The following C1orf94 variants were observed in gnomAD, a reference collection of about 807,000 sequenced individuals.
C1orf94 encodes the protein uncharacterized protein C1orf94.
C1orf94 carries 45 observed loss-of-function variants against 53.6 expected under a neutral mutation model. That is an observed-to-expected ratio of 0.84 (90% CI 0.66 to 1.08). The LOEUF (loss-of-function observed/expected upper bound fraction) is 1.08. C1orf94 is among the 50% of genes least tolerant of loss of function. The pLI is 0.00. For synonymous variants in C1orf94, 304 were observed against 296.1 expected (o/e 1.03, Z -0.27); for missense variants, 762 against 738.9 (o/e 1.03, Z -0.36).
At chr1:34,196,105 G>A (rs1435323543) in intron 1 of C1orf94, among the ~76,000 whole-genome samples, 1 of 152,196 alleles carries the variant, frequency 6.6e-6, no homozygotes, top group Non-Finnish European at 1.5e-5. Flanking sequence ...GGAGCCCCTT[G>A]AGTAGGCACA....
At chr1:34,168,619 T>C (rs1178636466) in intron 1 of C1orf94, among the ~76,000 whole-genome samples, 4 of 152,226 alleles carry the variant, frequency 2.6e-5, no homozygotes, top group African/African-American at 9.6e-5. Flanking sequence ...TTCTGGAGGC[T>C]GGAAGTCCAA....
intron 1 of C1orf94, among the ~76,000 whole-genome samples, chr1:34,185,193 T>A (rs1007179624): frequency 5.3e-5 from 8 of 152,134 alleles, no homozygotes; most frequent in African/African-American, 1.9e-4. Context: ...TTTATTTTTA[T>A]TTTTTAGATG....
intron 1 of C1orf94, among the ~76,000 whole-genome samples, chr1:34,171,438 G>C (rs1642143354): frequency 6.6e-6 from 1 of 150,522 alleles, no homozygotes; most frequent in East Asian, 2.0e-4. Flanking sequence ...GGGAATTTTT[G>C]CTGGATGAAT....
chr1:34,167,826 G>A (rs1216293936), intron 1 of C1orf94, among the ~76,000 whole-genome samples: 1 of 152,016 alleles, frequency 6.6e-6, no homozygotes, highest in African/African-American at 2.4e-5. Flanking sequence ...GGATCAGAAG[G>A]CTAATTTAAG....
chr1:34,212,642 G>A (rs543479746), intron 6 of C1orf94, among the ~76,000 whole-genome samples: 4 of 152,306 alleles, frequency 2.6e-5, no homozygotes, highest in Admixed American at 2.6e-4. Flanking sequence ...TCTGGTTGCA[G>A]AAATGCAACT....
intron 1 of C1orf94, among the ~76,000 whole-genome samples, chr1:34,192,770 G>A (rs780470481): frequency 6.6e-6 from 1 of 152,176 alleles, no homozygotes; most frequent in Admixed American, 6.5e-5. Context: ...TGAGTGATGA[G>A]GAGGAGCCAG....
chr1:34,196,868 C>G (rs958920057), intron 1 of C1orf94, among the ~76,000 whole-genome samples: 12 of 152,296 alleles, frequency 7.9e-5, no homozygotes, highest in African/African-American at 2.9e-4. Context: ...GCAAAATTCC[C>G]CAGTGAACCC....
intron 6 of C1orf94, among the ~76,000 whole-genome samples, chr1:34,212,774 C>G (rs955387363): frequency 6.6e-6 from 1 of 152,158 alleles, no homozygotes; most frequent in South Asian, 2.1e-4. Flanking sequence ...CTCCTTAGAG[C>G]TCTCACCTCC....
chr1:34,181,545 G>C (rs1426327949), intron 1 of C1orf94, among the ~76,000 whole-genome samples: 1 of 152,214 alleles, frequency 6.6e-6, no homozygotes, highest in African/African-American at 2.4e-5. Flanking sequence ...CTAGAACTGT[G>C]TGAGAAACTA....
Position 34,177,007 on chromosome 1 carries a change from C to A in C1orf94, c.-783C>A, listed in dbSNP as rs1642236448. Among the ~76,000 whole-genome samples, 1 of 152,192 alleles carries A rather than the reference C, an allele frequency of 6.6e-6. No individual in the cohort carries two copies. Among genetic ancestry groups the A allele is most frequent in the African/African-American group, 2.4e-5 (1 of 41,460 alleles). Reference sequence around the variant, plus strand: ...TGGCAGGCAAATTGGTGGGAGCCGCCCGGCCCAGCCTGCCTTGCCGAGTCA... The same window carrying A: ...TGGCAGGCAAATTGGTGGGAGCCGCACGGCCCAGCCTGCCTTGCCGAGTCA... On this transcript the variant is annotated 5_prime_UTR_variant, in exon 1 of 7. Transcript: ENST00000488417.
upstream of C1orf94, among the ~76,000 whole-genome samples, chr1:34,176,202 A>G (rs1162596794): frequency 6.6e-6 from 1 of 152,112 alleles, no homozygotes; most frequent in Non-Finnish European, 1.5e-5. Context: ...CAGCTCGGAA[A>G]TGAGTGTCAG....
chr1:34,188,742 G>A (rs958304658), intron 1 of C1orf94, among the ~76,000 whole-genome samples: 1 of 152,164 alleles, frequency 6.6e-6, no homozygotes, highest in African/African-American at 2.4e-5. Flanking sequence ...AGGGCTGGGG[G>A]TGGGGAGGCC....
intron 5 of C1orf94, among the ~76,000 whole-genome samples, chr1:34,211,036 C>T (rs567718461): frequency 1.8e-4 from 28 of 151,964 alleles, no homozygotes; most frequent in Non-Finnish European, 3.2e-4. Context: ...CACTTGGACC[C>T]CAGACTTGCT....
intron 4 of C1orf94, among the ~76,000 whole-genome samples, chr1:34,205,914 G>A (rs566056393): frequency 1.3e-5 from 2 of 152,308 alleles, no homozygotes; most frequent in East Asian, 1.9e-4. Flanking sequence ...GGGAGGGTGC[G>A]TGGGAAGGGA....
At chr1:34,192,378 G>A (rs1248630034) in intron 1 of C1orf94, among the ~76,000 whole-genome samples, 3 of 152,100 alleles carry the variant, frequency 2.0e-5, no homozygotes, top group South Asian at 2.1e-4. Context: ...CCATCTGATC[G>A]GCTCACAGGG....
chr1:34,178,963 A>ATCGGTT (rs1642272683), intron 1 of C1orf94, among the ~76,000 whole-genome samples: 4 of 152,218 alleles, frequency 2.6e-5, no homozygotes, highest in Non-Finnish European at 5.9e-5. Context: ...CAGATGGATT[A>ATCGGTT]AGTGTTAATA....
chr1:34,180,587 C>T (rs1021873846), intron 1 of C1orf94, among the ~76,000 whole-genome samples: 1 of 152,242 alleles, frequency 6.6e-6, no homozygotes, highest in Non-Finnish European at 1.5e-5. Flanking sequence ...CGCCTTGGCC[C>T]TGAGGCAATA....
Position 34,177,209 on chromosome 1 carries a change from G to A in C1orf94, c.-581G>A, listed in dbSNP as rs1353865034. 6.6e-6 allele frequency among the ~76,000 whole-genome samples: 1 copy of A among 152,126 alleles called. No homozygotes were observed. Reference sequence around the variant, plus strand: ...GGAGACCGGGAGCAGGAGGGGTAGGGCGAGAGAAAAGCAGGACCTGGGCCG... The same window carrying A: ...GGAGACCGGGAGCAGGAGGGGTAGGACGAGAGAAAAGCAGGACCTGGGCCG... On this transcript the variant is annotated 5_prime_UTR_variant, in exon 1 of 7. Transcript: ENST00000488417.
Position 34,218,956 on chromosome 1 carries a change from TAC to T in C1orf94, c.*213_*214del, listed in dbSNP as rs67041028. On this transcript the variant is annotated 3_prime_UTR_variant, in exon 7 of 7. Coordinates refer to ENST00000488417, the MANE Select transcript of C1orf94 (RefSeq NM_001134734.2). Reference sequence around the variant, plus strand: ...AGCCCTCCTCACACATGGCACAAGCTACACACACACACACACACATGACCCTC... The same window carrying T: ...AGCCCTCCTCACACATGGCACAAGCTACACACACACACACACATGACCCTC... 5,590 of 353,438 alleles carry T rather than the reference TAC, an allele frequency of 0.016. No individual in the cohort carries two copies. Among genetic ancestry groups the T allele is most frequent in the East Asian group, 0.021 (516 of 24,540 alleles). The allele number at this position is 353,438 out of a possible 1,614,324, so 21.9% of individuals were successfully genotyped here. A position where few individuals can be genotyped will look rare whatever the true frequency, so the allele number is the denominator to read the frequency against.
Sources: gnomAD v4.1 joint callset for allele counts (sites outside exome capture counted in the v4.1 genomes callset) on GRCh38, gnomAD v4.1.1 for gene constraint, MANE v1.5 for transcripts, NCBI Gene and HGNC (gene_info 2026-07-23, HGNC 2026-07-21) for gene names.